The following KRT14 variants were observed in gnomAD, a reference collection of about 807,000 sequenced individuals.
KRT14 encodes the protein keratin 14.
A neutral mutation model predicts 44.5 loss-of-function variants in KRT14; 30 were observed. The observed-to-expected ratio is 0.67, with a 90% CI of 0.50 to 0.92. KRT14 has a LOEUF of 0.92. Ranked by LOEUF, KRT14 falls within the 40% of genes least tolerant of loss-of-function variation. The pLI is 0.00. For synonymous variants in KRT14, 241 were observed against 257.6 expected (o/e 0.94, Z 0.62); for missense variants, 535 against 640.6 (o/e 0.84, Z 1.78).
intron 3 of KRT14, 102 bp from the exon 4 acceptor site, chr17:41,584,023 C>T (rs2144583347): frequency 3.4e-6 from 4 of 1,184,530 alleles, no homozygotes; most frequent in East Asian, 4.9e-5. Flanking sequence ...AATTCTATCT[C>T]GACTCTCCCT....
Position 41,584,376 on chromosome 17 carries a change from C to T in KRT14, c.646G>A (p.Ala216Thr). The T allele has an allele frequency of 6.2e-7, 1 of 1,614,102 alleles. No homozygotes were observed. Among genetic ancestry groups the T allele is most frequent in the Non-Finnish European group, 8.5e-7 (1 of 1,180,026 alleles). The change falls in exon 3 of 8, where the codon GCC becomes ACC. Residue 216 changes from alanine to threonine, a missense_variant. Coordinates refer to ENST00000167586, the MANE Select transcript of KRT14 (RefSeq NM_000526.5). ...ACCCTGCGCAGGCCATTGATGTCGG[C>T]TTCCACACTCATGCGCAGGTTCAAC... The part of the protein sequence containing the change: ...TELNLRMSVE[A>T]DINGLRRVLD...
intron 3 of KRT14, 77 bp from the exon 4 acceptor site, chr17:41,583,998 C>T: frequency 6.8e-7 from 1 of 1,478,748 alleles, no homozygotes; most frequent in Non-Finnish European, 9.4e-7. Context: ...CTGAATACTG[C>T]CCTCCCACCA....
chr17:41,583,150 T>C lies in KRT14; in HGVS notation c.1275-10A>G, dbSNP rs1417167993. On this transcript the variant is annotated splice_polypyrimidine_tract_variant and intron_variant, in intron 6 of 7. Coordinates refer to ENST00000167586, the MANE Select transcript of KRT14 (RefSeq NM_000526.5). The stretch of plus-strand genomic sequence containing the variant: ...CTGGGAGGAGGAGAGGCTGTGAAAA[T>C]AGAAAAGGACAGGATCATTAGATAC... 1 of 1,611,062 alleles carries C rather than the reference T, an allele frequency of 6.2e-7. No homozygotes were observed. Among genetic ancestry groups the C allele is most frequent in the African/African-American group, 1.4e-5 (1 of 73,570 alleles).
chr17:41,584,725 T>C (rs1299910731), intron 2 of KRT14, among the ~76,000 whole-genome samples: 3 of 152,160 alleles, frequency 2.0e-5, no homozygotes, highest in African/African-American at 7.2e-5. Flanking sequence ...GCTGGGGAAG[T>C]GGAAAGTGCC....
In KRT14 at chr17:41,582,520, C is replaced by T; in HGVS notation, c.1334G>A (p.Ser445Asn). 1 of 1,565,102 alleles carries T rather than the reference C, an allele frequency of 6.4e-7. No individual in the cohort carries two copies. Among genetic ancestry groups the T allele is most frequent in the Non-Finnish European group, 8.7e-7 (1 of 1,154,676 alleles). Residue 445 changes from serine (S) to asparagine (N), a missense_variant, in exon 8 of 8, where the codon AGC becomes AAC. Transcript: ENST00000167586. Reference protein sequence around the residue: ...SQSSRDVTSSSRQIRTKVMDV... With the variant: ...SQSSRDVTSSNRQIRTKVMDV... Reference sequence around the variant, plus strand: ...CATGACCTTGGTGCGGATTTGGCGGCTGGAGGAGGTCACTGGGGAAGAGGT... The same window carrying T: ...CATGACCTTGGTGCGGATTTGGCGGTTGGAGGAGGTCACTGGGGAAGAGGT...
chr17:41,583,059 C>T (rs369628416), intron 7 of KRT14, 35 bp downstream of exon 7: 4 of 1,608,536 alleles, frequency 2.5e-6, no homozygotes, highest in Non-Finnish European at 3.4e-6. Flanking sequence ...AGAGGGTGGC[C>T]TGGAGCCCAG....
Position 41,586,747 on chromosome 17 carries a change from G to T in KRT14, c.88C>A (p.Arg30Ser), listed in dbSNP as rs201069984. Residue 30 changes from arginine (R) to serine (S), a missense_variant, in exon 1 of 8, where the codon CGC (arginine) becomes AGC (serine). Coordinates refer to ENST00000167586, the MANE Select transcript of KRT14 (RefSeq NM_000526.5). ...IGGGIGGGSS[R>S]ISSVLAGGSC... is the part of the protein sequence containing the mutation. ...CCTCCGGCCAGGACGGAGGAGATGC[G>T]GCTGGAGCCGCCCCCGATGCCGCCC... is the stretch of plus-strand genomic sequence containing the variant. 2 of 1,585,262 alleles carry T rather than the reference G, an allele frequency of 1.3e-6. No homozygotes were observed. The highest frequency in any genetic ancestry group is 2.7e-5 in the African/African-American group (2 of 74,212).
In KRT14 at chr17:41,583,550, C is replaced by T; in HGVS notation, c.1053+1G>A. 6 of 1,614,232 alleles carry T rather than the reference C, an allele frequency of 3.7e-6. No homozygotes were observed. The highest frequency in any genetic ancestry group is 5.1e-6 in the Non-Finnish European group (6 of 1,180,038). On this transcript the variant is annotated splice_donor_variant, in intron 5 of 7. Coordinates refer to ENST00000167586, the MANE Select transcript of KRT14 (RefSeq NM_000526.5). LOFTEE classifies it high-confidence loss of function. ...ACCACCCTTCCTGGCACTATTCCTA[C>T]CATGCTGAGCTGGGACTGCAGCTCA...
At chr17:41,586,261 C>G (rs747728260) in intron 1 of KRT14, 49 bp downstream of exon 1, 1 of 1,609,374 alleles carries the variant, frequency 6.2e-7, no homozygotes, top group Non-Finnish European at 8.5e-7. Flanking sequence ...ATGAATTGTT[C>G]CCAGAAGGAG....
intron 2 of KRT14, 199 bp from the exon 3 acceptor site, chr17:41,584,612 T>C: frequency 1.6e-6 from 1 of 637,738 alleles, no homozygotes; most frequent in Non-Finnish European, 2.8e-6. Flanking sequence ...GATAAGGCAG[T>C]TCATCTTGCT....
At chr17:41,583,017 C>T (rs2144581799) in intron 7 of KRT14, 77 bp downstream of exon 7, 1 of 1,378,126 alleles carries the variant, frequency 7.3e-7, no homozygotes, top group Non-Finnish European at 1.0e-6. Flanking sequence ...CTCACGGAGC[C>T]CCTAGCCAAT....
rs1449926174 is a variant in KRT14 at position 41,586,824 on chromosome 17, C to T, written c.11G>A (p.Cys4Tyr). The T allele has an allele frequency of 1.9e-6, 3 of 1,590,900 alleles. No homozygotes were observed. Among genetic ancestry groups the T allele is most frequent in the East Asian group, 2.3e-5 (1 of 43,652 alleles). Residue 4 changes from cysteine (C) to tyrosine (Y), a missense_variant, in exon 1 of 8, where the codon TGC (cysteine) becomes TAC (tyrosine). Transcript: ENST00000167586. MTT[C>Y]SRQFTSSSSM... ...GCTGGAGGAGGTGAACTGGCGGCTGCAGGTGGTCATGGTGCAGAGGAGGGA... is the reference window on the plus strand; with the variant it reads ...GCTGGAGGAGGTGAACTGGCGGCTGTAGGTGGTCATGGTGCAGAGGAGGGA...
Position 41,583,126 on chromosome 17 carries a change from T to C in KRT14, c.1289A>G (p.Gln430Arg). The C allele has an allele frequency of 6.2e-7, 1 of 1,610,556 alleles. No individual in the cohort carries two copies. The highest frequency in any genetic ancestry group is 1.1e-5 in the South Asian group (1 of 90,952). ...EGEDAHLSSS[Q>R]FSSGSQSSRD... The stretch of plus-strand genomic sequence containing the variant: ...GGATGACTGCGATCCAGAGGAGAAC[T>C]GGGAGGAGGAGAGGCTGTGAAAATA... The change falls in exon 7 of 8, where the codon CAG becomes CGG. Residue 430 changes from glutamine (Q) to arginine (R), a missense_variant. Transcript: ENST00000167586.
At chr17:41,583,975 G>T (rs1460338724) in intron 3 of KRT14, 54 bp from the exon 4 acceptor site, 8 of 1,601,618 alleles carry the variant, frequency 5.0e-6, no homozygotes, top group Non-Finnish European at 6.0e-6. Flanking sequence ...CAGCGGATTG[G>T]TGTTCCTTAG....
At position 41,583,747 on chromosome 17, in the gene KRT14, A is replaced by G; in HGVS notation, c.927+13T>C. ...AGGTGGTCTGGGTTCCTTCCACCTC[A>G]AATGACACCCACCTTGGTGAAGAAC... On this transcript the variant is annotated intron_variant, in intron 4 of 7. Transcript: ENST00000167586. 6.2e-7 allele frequency: 1 copy of G among 1,614,240 alleles called. No individual in the cohort carries two copies. The highest frequency in any genetic ancestry group is 2.2e-5 in the East Asian group (1 of 44,890).
rs1216082357 is a variant in KRT14, at chr17:41,582,424, G to A, written c.*11C>T. On this transcript the variant is annotated 3_prime_UTR_variant, in exon 8 of 8. Transcript: ENST00000167586. ...GGGGGGCCTCCTAGGCCTGAGCGGG[G>A]CTGGGCAGCCTCAGTTCTTGGTGCG... 4 of 1,553,196 alleles carry A rather than the reference G, an allele frequency of 2.6e-6. No homozygotes were observed. Among genetic ancestry groups the A allele is most frequent in the Non-Finnish European group, 3.5e-6 (4 of 1,147,710 alleles).
At position 41,582,546 on chromosome 17, in the gene KRT14, G is replaced by C. The variant is rs1308140276; in HGVS notation, c.1322-14C>G. ...TGGAGGAGGTCACTGGGGAAGAGGT[G>C]GGAAGAGGACGTTACCAGAGGTGGA... On this transcript the variant is annotated splice_polypyrimidine_tract_variant and intron_variant, in intron 7 of 7. Transcript: ENST00000167586. 4.5e-6 allele frequency: 7 copies of C among 1,551,870 alleles called. No individual in the cohort carries two copies. Among genetic ancestry groups the C allele is most frequent in the East Asian group, 2.4e-5 (1 of 41,330 alleles).
At position 41,583,744 on chromosome 17, in the gene KRT14, C is replaced by T. The variant is rs375065140; in HGVS notation, c.927+16G>A. The stretch of plus-strand genomic sequence containing the variant: ...GGCAGGTGGTCTGGGTTCCTTCCAC[C>T]TCAAATGACACCCACCTTGGTGAAG... On this transcript the variant is annotated intron_variant, in intron 4 of 7. Transcript: ENST00000167586. 2.4e-5 allele frequency: 39 copies of T among 1,614,156 alleles called. No homozygotes were observed. Among genetic ancestry groups the T allele is most frequent in the Non-Finnish European group, 3.3e-5 (39 of 1,180,060 alleles).
chr17:41,585,145 G>C (rs1907487155), intron 1 of KRT14, 88 bp from the exon 2 acceptor site: 2 of 1,016,522 alleles, frequency 2.0e-6, no homozygotes, highest in Non-Finnish European at 3.1e-6. Flanking sequence ...CTTGCTTCAT[G>C]TTCTTGCCTG....
Sources: allele counts gnomAD v4.1 joint callset (sites outside exome capture counted in the v4.1 genomes callset), GRCh38; gene constraint gnomAD v4.1.1; transcripts MANE v1.5; gene names NCBI Gene and HGNC (gene_info 2026-07-23, HGNC 2026-07-21).